Variants in SGPP2 observed in about 807,000 individuals in gnomAD.
SGPP2 encodes sphingosine 1-phosphate phosphohydrolase 2.
Under a neutral mutation model 33.9 loss-of-function variants are expected in SGPP2, and 30 were observed. That is an observed-to-expected ratio of 0.89 (90% CI 0.66 to 1.20). The LOEUF is 1.20. Among genes scored for constraint, SGPP2 ranks in the 50% most tolerant of loss-of-function variants. The pLI is 0.00. For synonymous variants in SGPP2, 233 were observed against 225.0 expected (o/e 1.04, Z -0.32); for missense variants, 458 against 532.1 (o/e 0.86, Z 1.37).
At chr2:222,450,418 A>G (rs1190373556) in intron 1 of SGPP2, among the ~76,000 whole-genome samples, 1 of 152,170 alleles carries the variant, frequency 6.6e-6, no homozygotes, top group Admixed American at 6.5e-5. Flanking sequence ...CTTTCCTTCC[A>G]TCAATTAGTT....
Position 222,476,720 on chromosome 2 carries a change from G to A in SGPP2, c.378+1994G>A, listed in dbSNP as rs1697939856. Among the ~76,000 whole-genome samples the A allele has an allele frequency of 6.7e-6, 1 of 148,428 alleles. No homozygotes were observed. The highest frequency in any genetic ancestry group is 1.5e-5 in the Non-Finnish European group (1 of 67,162). ...GTGTAAGGTATAACTGTATATATAT[G>A]TATGTGTGTATATAGGTGTGTGTGT... On this transcript the variant is annotated intron_variant, in intron 2 of 4. Transcript: ENST00000321276. This position sits in a 1 kb window ranked among gnomAD's most constrained non-coding sequence, Gnocchi z 4.3.
At chr2:222,511,160 C>G (rs1698520969) in intron 2 of SGPP2, among the ~76,000 whole-genome samples, 1 of 152,238 alleles carries the variant, frequency 6.6e-6, no homozygotes, top group South Asian at 2.1e-4. Context: ...TCTGCCGTCC[C>G]CATATGAGCC....
At chr2:222,446,727 C>A (rs962436837) in intron 1 of SGPP2, among the ~76,000 whole-genome samples, 1 of 152,132 alleles carries the variant, frequency 6.6e-6, no homozygotes, top group African/African-American at 2.4e-5. Context: ...TGTGGATATC[C>A]TTATTGATTT....
intron 2 of SGPP2, among the ~76,000 whole-genome samples, chr2:222,497,086 C>G (rs1698292238): frequency 6.6e-6 from 1 of 152,124 alleles, no homozygotes; most frequent in Admixed American, 6.5e-5. Flanking sequence ...GAATGGCTCC[C>G]CATTAGCCCT....
At chr2:222,554,957 G>A (rs1422345157) in intron 4 of SGPP2, among the ~76,000 whole-genome samples, 2 of 152,110 alleles carry the variant, frequency 1.3e-5, no homozygotes, top group Non-Finnish European at 2.9e-5. Flanking sequence ...CCACGATAAA[G>A]AACAGTTGCA....
intron 2 of SGPP2, among the ~76,000 whole-genome samples, chr2:222,494,404 C>T (rs748882109): frequency 2.0e-5 from 3 of 152,198 alleles, no homozygotes; most frequent in Non-Finnish European, 4.4e-5. Context: ...AGAATGTTCA[C>T]GAATGAGCAA....
At chr2:222,516,688 C>T (rs1471294628) in intron 2 of SGPP2, among the ~76,000 whole-genome samples, 2 of 152,102 alleles carry the variant, frequency 1.3e-5, no homozygotes, top group Non-Finnish European at 2.9e-5. Flanking sequence ...CCTCCAGAGG[C>T]ATATGAGAGG....
intron 1 of SGPP2, among the ~76,000 whole-genome samples, chr2:222,442,771 G>C (rs1697345798): frequency 6.6e-6 from 1 of 152,112 alleles, no homozygotes; most frequent in South Asian, 2.1e-4. Context: ...AATGGTTTTT[G>C]AATCCACTCT....
At chr2:222,472,020 A>G (rs1318016435) in intron 1 of SGPP2, among the ~76,000 whole-genome samples, 1 of 152,216 alleles carries the variant, frequency 6.6e-6, no homozygotes, top group Non-Finnish European at 1.5e-5. Flanking sequence ...AGTAGGAAGA[A>G]AAGGATGATA....
At chr2:222,448,292 C>G (rs1247108764) in intron 1 of SGPP2, among the ~76,000 whole-genome samples, 1 of 152,200 alleles carries the variant, frequency 6.6e-6, no homozygotes, top group Admixed American at 6.5e-5. Context: ...ACTTCTTGGT[C>G]TCTGCTGGCC....
chr2:222,551,583 A>G (rs546199477), intron 4 of SGPP2, among the ~76,000 whole-genome samples: 50 of 152,330 alleles, frequency 3.3e-4, no homozygotes, highest in Non-Finnish European at 5.4e-4. Flanking sequence ...CTAGAGTCCA[A>G]GTATTTTCCT....
intron 4 of SGPP2, among the ~76,000 whole-genome samples, chr2:222,547,031 G>T (rs1358106259): frequency 6.6e-6 from 1 of 152,126 alleles, no homozygotes; most frequent in Admixed American, 6.6e-5. Flanking sequence ...CTTCCCAGGA[G>T]ACCTGAATGC....
At chr2:222,529,433 CA>C (rs1177057976) in intron 4 of SGPP2, among the ~76,000 whole-genome samples, 1 of 152,148 alleles carries the variant, frequency 6.6e-6, no homozygotes, top group Non-Finnish European at 1.5e-5. Context: ...CTCCCGGGTT[CA>C]AGCCATTGTT....
chr2:222,525,090 T>C, intron 4 of SGPP2, 57 bp downstream of exon 4: 1 of 1,269,646 alleles, frequency 7.9e-7, no homozygotes, highest in East Asian at 2.4e-5. Context: ...GTGGTCAGTG[T>C]GTCAATATGT....
chr2:222,531,175 A>T (rs764502078), intron 4 of SGPP2, among the ~76,000 whole-genome samples: 2 of 152,248 alleles, frequency 1.3e-5, no homozygotes, highest in African/African-American at 2.4e-5. Flanking sequence ...GAGAACACAG[A>T]GACATAAAAT....
chr2:222,425,501 C>T (rs1210681900), intron 1 of SGPP2, among the ~76,000 whole-genome samples: 1 of 152,176 alleles, frequency 6.6e-6, no homozygotes, highest in African/African-American at 2.4e-5. Flanking sequence ...CGCTACGCTC[C>T]CGCTAGGTGT....
chr2:222,515,139 C>G (rs1287091755), intron 2 of SGPP2, among the ~76,000 whole-genome samples: 2 of 152,006 alleles, frequency 1.3e-5, no homozygotes, highest in Non-Finnish European at 2.9e-5. Context: ...GTCCTTCCTT[C>G]AAGTCTTGAT....
intron 4 of SGPP2, among the ~76,000 whole-genome samples, chr2:222,552,513 G>A (rs940563800): frequency 4.6e-5 from 7 of 152,166 alleles, no homozygotes; most frequent in African/African-American, 1.7e-4. Context: ...CAAATTGGGT[G>A]CAGTGTCTAC....
chr2:222,424,535 G>C, upstream of SGPP2: 1 of 1,086,832 alleles, frequency 9.2e-7, no homozygotes, highest in Non-Finnish European at 1.2e-6. Flanking sequence ...CGAGGCGGGA[G>C]TGGCGGTGCC....
Sources: allele counts gnomAD v4.1 joint callset (sites outside exome capture counted in the v4.1 genomes callset), GRCh38; gene constraint gnomAD v4.1.1; non-coding constraint Gnocchi (gnomAD v3.1); transcripts MANE v1.5; gene names NCBI Gene and HGNC (gene_info 2026-07-23, HGNC 2026-07-21).